UGT2B15: variants seen among roughly 807,000 people sequenced by gnomAD.
The protein encoded by UGT2B15 is UDP-glucuronosyltransferase 2B15.
Under a neutral mutation model 45.9 loss-of-function variants are expected in UGT2B15, and 36 were observed. That is an observed-to-expected ratio of 0.78 (90% CI 0.60 to 1.04). UGT2B15 has a LOEUF of 1.04. Among genes scored for constraint, UGT2B15 ranks in the 50% least tolerant of loss-of-function variants. The pLI is 0.00. For synonymous variants in UGT2B15, 219 were observed against 216.4 expected, an observed-to-expected ratio of 1.01 and a Z score of -0.11; for missense variants, 617 against 622.4, an observed-to-expected ratio of 0.99 and a Z score of 0.09.
chr4:68,651,109 C>T lies in UGT2B15; in HGVS notation c.1313+2928G>A, dbSNP rs1732641956. Among the ~76,000 whole-genome samples, 3 of 148,252 alleles carry T rather than the reference C, an allele frequency of 2.0e-5. No homozygotes were observed. In the Admixed American group the frequency reaches 2.1e-4, roughly 10 times the overall value. ...TCCCTCATTCTGTAGGTTGCCTGTT[C>T]CCTCTGACGATAGTTTATTTTGCTG... On this transcript the variant is annotated intron_variant, in intron 5 of 5. Transcript: ENST00000338206.
At position 68,652,881 on chromosome 4, in the gene UGT2B15, G is replaced by A. The variant is rs1267483011; in HGVS notation, c.1313+1156C>T. Among the ~76,000 whole-genome samples the A allele has an allele frequency of 5.9e-5, 9 of 152,132 alleles. 1 individual carries two copies. The highest frequency in any genetic ancestry group is 5.2e-4 in the Admixed American group (8 of 15,250). On this transcript the variant is annotated intron_variant, in intron 5 of 5. Transcript: ENST00000338206. ...TTAAAATAGAAATTTATCTAAGGAA[G>A]ATGTGTGAATGACCAGTAAGCACAT...
At chr4:68,664,010 T>G (rs1489377219) in intron 2 of UGT2B15, among the ~76,000 whole-genome samples, 3 of 152,082 alleles carry the variant, frequency 2.0e-5, no homozygotes. Flanking sequence ...TAACTGAATG[T>G]GGGGGACCCT....
Position 68,654,102 on chromosome 4 carries a change from C to T in UGT2B15, c.1248G>A (p.Val416=), listed in dbSNP as rs1340307198. 8 of 1,613,474 alleles carry T rather than the reference C, an allele frequency of 5.0e-6. No individual in the cohort carries two copies. The African/African-American group carries it at 1.1e-4, about 22-fold the overall frequency. The change falls in exon 5 of 6, where the codon GTG becomes GTA. Residue 416 remains valine, a synonymous_variant. Transcript: ENST00000338206. ...HMKAKGAALS[V]DIRTMSSRDL... is the part of the protein sequence containing the mutation. Reference sequence around the variant, plus strand: ...CTCTACTTGACATGGTCCTGATGTCCACACTGAGGGCTGCTCCCTTGGCTT... The same window carrying T: ...CTCTACTTGACATGGTCCTGATGTCTACACTGAGGGCTGCTCCCTTGGCTT...
At chr4:68,649,260 T>C (rs1446326677) in intron 5 of UGT2B15, among the ~76,000 whole-genome samples, 1 of 144,770 alleles carries the variant, frequency 6.9e-6, no homozygotes, top group Non-Finnish European at 1.5e-5. Flanking sequence ...TTCAGGTAAC[T>C]ATTTCATATA....
chr4:68,668,106 G>A lies in UGT2B15; in HGVS notation c.807C>T (p.Arg269=). Residue 269 remains arginine, a synonymous_variant, in exon 2 of 6, where the codon CGC becomes CGT. Transcript: ENST00000338206. Reference sequence around the variant, plus strand: ...CAAAATCAACATTTGGTAAGAATGGGCGAGGAAATTCAAAATCCCAATAGG... The same window carrying A: ...CAAAATCAACATTTGGTAAGAATGGACGAGGAAATTCAAAATCCCAATAGG... ...IRTYWDFEFP[R]PFLPNVDFVG... 3 of 1,613,930 alleles carry A rather than the reference G, an allele frequency of 1.9e-6. No individual in the cohort carries two copies. Among genetic ancestry groups the A allele is most frequent in the Non-Finnish European group, 2.5e-6 (3 of 1,179,946 alleles).
intron 3 of UGT2B15, among the ~76,000 whole-genome samples, chr4:68,659,411 ATTT>A (rs1732897726): frequency 6.6e-6 from 1 of 152,086 alleles, no homozygotes; most frequent in South Asian, 2.1e-4. Context: ...AATTTGGTTT[ATTT>A]TGTATAAAAA....
chr4:68,667,547 C>T (rs1239949688), intron 2 of UGT2B15, among the ~76,000 whole-genome samples: 1 of 152,044 alleles, frequency 6.6e-6, no homozygotes, highest in Non-Finnish European at 1.5e-5. Flanking sequence ...TGAGTACTCA[C>T]TTTAATTGTC....
intron 2 of UGT2B15, among the ~76,000 whole-genome samples, chr4:68,664,571 C>CTT (rs369329588): frequency 1.9e-4 from 28 of 146,526 alleles, no homozygotes; most frequent in East Asian, 5.9e-4. Flanking sequence ...TTTATGACAT[C>CTT]TTTTTTTTTT....
chr4:68,651,248 T>C (rs1402389720), intron 5 of UGT2B15, among the ~76,000 whole-genome samples: 1 of 152,112 alleles, frequency 6.6e-6, no homozygotes, highest in African/African-American at 2.4e-5. Flanking sequence ...CTGAATGATA[T>C]TGCCTAGGTT....
chr4:68,656,391 AT>A (rs147929412), intron 3 of UGT2B15, among the ~76,000 whole-genome samples: 107,984 of 128,084 alleles, frequency 0.84, 45,502 homozygotes, highest in East Asian at 0.95. Context: ...CATTTCTGGG[AT>A]TTTTTTTTTT....
intron 3 of UGT2B15, among the ~76,000 whole-genome samples, chr4:68,660,415 T>C (rs1241272865): frequency 2.0e-5 from 3 of 151,962 alleles, no homozygotes; most frequent in African/African-American, 7.3e-5. Context: ...ATCTATGGCT[T>C]TCCTCAGCTT....
intron 3 of UGT2B15, among the ~76,000 whole-genome samples, chr4:68,662,290 G>T (rs1466960462): frequency 6.6e-6 from 1 of 151,854 alleles, no homozygotes. Context: ...ATTTAATAAT[G>T]CACATAGTCT....
intron 5 of UGT2B15, among the ~76,000 whole-genome samples, 162 bp from the exon 6 acceptor site, chr4:68,647,545 G>A (rs1224662636): frequency 2.6e-5 from 4 of 152,060 alleles, no homozygotes; most frequent in Admixed American, 6.6e-5. Context: ...ATTACAGAAA[G>A]TTTGGTTTTT....
intron 3 of UGT2B15, among the ~76,000 whole-genome samples, chr4:68,655,433 C>A (rs1372634320): frequency 6.6e-6 from 1 of 152,034 alleles, no homozygotes; most frequent in Non-Finnish European, 1.5e-5. Context: ...TAGCTAGACA[C>A]ATGAGATTGT....
At chr4:68,667,322 A>G (rs1273707982) in intron 2 of UGT2B15, among the ~76,000 whole-genome samples, 1 of 151,882 alleles carries the variant, frequency 6.6e-6, no homozygotes, top group African/African-American at 2.4e-5. Flanking sequence ...GGCACACACC[A>G]GCATGCCTGG....
rs1733269786 is a variant in UGT2B15, at chr4:68,670,282, A to G, written c.337T>C (p.Leu113=). ...KNTFWSYFSQ[L]QELCWEYYDY... ...TAATATTCCCAACACAATTCTTGTA[A>G]TTGTGAAAAATATGACCAAAATGTA... The change falls in exon 1 of 6, where the codon TTA becomes CTA. Residue 113 remains leucine, a synonymous_variant. Coordinates refer to ENST00000338206, the MANE Select transcript of UGT2B15 (RefSeq NM_001076.4). 9 of 1,613,944 alleles carry G rather than the reference A, an allele frequency of 5.6e-6. No individual in the cohort carries two copies. Among genetic ancestry groups the G allele is most frequent in the South Asian group, 4.4e-5 (4 of 91,072 alleles).
rs778690156 is a variant in UGT2B15 at position 68,670,623 on chromosome 4, G to A, written c.-5C>T. On this transcript the variant is annotated 5_prime_UTR_variant, in exon 1 of 6. Transcript: ENST00000338206. ...TGACGTCCATTTCAGAGACATCCTG[G>A]TCTTATGCAATGCTTCTTTTCCAGT... 2 of 1,554,602 alleles carry A rather than the reference G, an allele frequency of 1.3e-6. No individual in the cohort carries two copies. The highest frequency in any genetic ancestry group is 1.7e-6 in the Non-Finnish European group (2 of 1,157,614).
rs1485862949 is a variant in UGT2B15 at position 68,670,126 on chromosome 4, A to G, written c.493T>C (p.Phe165Leu). 11 of 1,614,000 alleles carry G rather than the reference A, an allele frequency of 6.8e-6. No homozygotes were observed. The highest frequency in any genetic ancestry group is 1.3e-5 in the African/African-American group (1 of 74,910). ...NPCGELLAEL[F>L]NIPFLYSLRF... is the part of the protein sequence containing the mutation. ...AGACTGTACAGAAAGGGTATGTTAA[A>G]TAGTTCAGCCAGTAGCTCACCACAG... Residue 165 changes from phenylalanine (F) to leucine (L), a missense_variant, in exon 1 of 6, where the codon TTT becomes CTT. This residue lies in a region of UGT2B15 where 351 missense variants were observed against 342.1 expected (regional missense o/e 1.03). Coordinates refer to ENST00000338206, the MANE Select transcript of UGT2B15 (RefSeq NM_001076.4).
At chr4:68,665,009 C>T (rs1291766211) in intron 2 of UGT2B15, among the ~76,000 whole-genome samples, 2 of 152,146 alleles carry the variant, frequency 1.3e-5, no homozygotes, top group Non-Finnish European at 2.9e-5. Context: ...TGCCAAAAGT[C>T]TGCTTCACCC....
Sources: gnomAD v4.1 joint callset for allele counts (sites outside exome capture counted in the v4.1 genomes callset) on GRCh38, gnomAD v4.1.1 for gene constraint, gnomAD v4.1.1 regional missense constraint, MANE v1.5 for transcripts, NCBI Gene and HGNC (gene_info 2026-07-23, HGNC 2026-07-21) for gene names.